The following KIRREL2 variants were observed in gnomAD, a reference collection of about 807,000 sequenced individuals.
KIRREL2 encodes the protein kin of IRRE-like protein 2.
Under a neutral mutation model 73.4 loss-of-function variants are expected in KIRREL2, and 56 were observed. That is an observed-to-expected ratio of 0.76 (90% CI 0.62 to 0.95). The LOEUF (loss-of-function observed/expected upper bound fraction) is 0.95. KIRREL2 is among the 40% of genes least tolerant of loss of function. KIRREL2 has a pLI of 0.00. For missense variants in KIRREL2, 896 were observed against 935.0 expected (o/e 0.96, Z 0.54); for synonymous variants, 407 against 404.0 (o/e 1.01, Z -0.09).
At position 35,862,491 on chromosome 19, in the gene KIRREL2, A is replaced by C. The variant is rs764886346; in HGVS notation, c.1511-2A>C. ...TCAGGATGTCCCCTCTGCTCCCTGCAGACTTGCTGCCCACTGTGCGGATAG... is the reference window on the plus strand; with the variant it reads ...TCAGGATGTCCCCTCTGCTCCCTGCCGACTTGCTGCCCACTGTGCGGATAG... On this transcript the variant is annotated splice_acceptor_variant, in intron 11 of 14. Coordinates refer to ENST00000360202, the MANE Select transcript of KIRREL2 (RefSeq NM_199180.4). LOFTEE classifies it high-confidence loss of function. 6.2e-7 allele frequency: 1 copy of C among 1,607,836 alleles called. No homozygotes were observed. Among genetic ancestry groups the C allele is most frequent in the Admixed American group, 1.7e-5 (1 of 60,016 alleles).
upstream of KIRREL2, among the ~76,000 whole-genome samples, chr19:35,854,324 C>T (rs113941901): frequency 0.088 from 13,338 of 151,466 alleles, 1,138 homozygotes; most frequent in African/African-American, 0.23. Flanking sequence ...TCTTTTTTCT[C>T]TTTTTTCTTT....
chr19:35,864,766 C>T, intron 14 of KIRREL2, 53 bp downstream of exon 14: 3 of 1,381,648 alleles, frequency 2.2e-6, no homozygotes, highest in Non-Finnish European at 3.1e-6. Flanking sequence ...GGCGGGGCTC[C>T]CTTCATTGTG....
chr19:35,858,305 C>A, intron 2 of KIRREL2, 103 bp from the exon 3 acceptor site: 1 of 1,383,476 alleles, frequency 7.2e-7, no homozygotes. Flanking sequence ...GTCTTACCAC[C>A]AAATGTGTGG....
At chr19:35,865,411 A>C (rs1366505579) in intron 14 of KIRREL2, among the ~76,000 whole-genome samples, 2 of 151,984 alleles carry the variant, frequency 1.3e-5, no homozygotes, top group Admixed American at 6.6e-5. Flanking sequence ...CCAGCCTCCC[A>C]AAGTGCTGGG....
At chr19:35,852,304 G>GTCTCTCTCTC (rs139954720), upstream of KIRREL2, among the ~76,000 whole-genome samples, 1 of 145,092 alleles carries the variant, frequency 6.9e-6, no homozygotes. Context: ...CTCTCTCTCT[G>GTCTCTCTCTC]TCTCTCTCTC....
chr19:35,857,149 C>T lies in KIRREL2; in HGVS notation c.30C>T (p.Leu10=), dbSNP rs762743331. 1 of 1,612,998 alleles carries T rather than the reference C, an allele frequency of 6.2e-7. No individual in the cohort carries two copies. Among genetic ancestry groups the T allele is most frequent in the South Asian group, 1.1e-5 (1 of 91,056 alleles). The change falls in exon 1 of 15, where the codon CTC becomes CTT. Residue 10 remains leucine, a synonymous_variant. Transcript: ENST00000360202. ...TCAGGATGCGGGTCCCCGCCCTCCT[C>T]GTCCTCCTCTTCTGCTTCAGAGGGA... is the stretch of plus-strand genomic sequence containing the variant. MLRMRVPAL[L]VLLFCFRGRA...
chr19:35,852,129 A>T (rs1419223891), upstream of KIRREL2, among the ~76,000 whole-genome samples: 5 of 112,864 alleles, frequency 4.4e-5, no homozygotes, highest in Admixed American at 2.2e-4. Context: ...GGGTCTCACT[A>T]TGTTGGCCAG....
At position 35,861,886 on chromosome 19, in the gene KIRREL2, C is replaced by G; in HGVS notation, c.1372C>G (p.Arg458Gly). The G allele has an allele frequency of 1.2e-6, 2 of 1,600,266 alleles. No homozygotes were observed. The highest frequency in any genetic ancestry group is 2.3e-5 in the East Asian group (1 of 44,434). Residue 458 changes from arginine to glycine, a missense_variant, in exon 11 of 15, where the codon CGC becomes GGC. Physicochemically the swap from Arg to Gly is moderately radical, Grantham distance 125 (BLOSUM62 -2). Transcript: ENST00000360202. Reference sequence around the variant, plus strand: ...GGAGACATTCCCTGCCCCAGAGAGCCGCGGGGGACTGGGTCCGGGCCTGAT... The same window carrying G: ...GGAGACATTCCCTGCCCCAGAGAGCGGCGGGGGACTGGGTCCGGGCCTGAT... ...LVETFPAPESRGGLGPGLISV... is the reference protein window; with the variant it reads ...LVETFPAPESGGGLGPGLISV...
rs1459957448 is a variant in KIRREL2, at chr19:35,866,722, A to G, written c.*230A>G. ...AATATGCCCACCTATTCCCCGGTGT[A>G]AAAGAGATTCAAGATGGCAGGTAGG... On this transcript the variant is annotated 3_prime_UTR_variant, in exon 15 of 15. Transcript: ENST00000360202. 12 of 601,762 alleles carry G rather than the reference A, an allele frequency of 2.0e-5. No homozygotes were observed. Among genetic ancestry groups the G allele is most frequent in the Non-Finnish European group, 3.5e-5 (12 of 347,798 alleles). 37.3% of individuals were successfully genotyped at this position (601,762 alleles called of 1,614,324 possible). A position where few individuals can be genotyped will look rare whatever the true frequency, so the allele number is the denominator to read the frequency against.
chr19:35,856,297 T>G (rs1973421567), upstream of KIRREL2, among the ~76,000 whole-genome samples: 1 of 150,948 alleles, frequency 6.6e-6, no homozygotes, highest in South Asian at 2.1e-4. This position sits in a 1 kb window ranked among gnomAD's most constrained non-coding sequence, Gnocchi z 5.9. Flanking sequence ...GCCGGCCGAG[T>G]GGGGAGAGGG....
rs766058037 is a variant in KIRREL2 at position 35,857,353 on chromosome 19, C to T, written c.70C>T (p.Pro24Ser). ...GCCCCGAACTCTCCTAGGCCCGTCG[C>T]CCCATTTCCTGCAACAGCCAGAGGA... is the stretch of plus-strand genomic sequence containing the variant. ...FCFRGRAGPS[P>S]HFLQQPEDLV... Residue 24 changes from proline (P) to serine (S), a missense_variant, in exon 2 of 15, where the codon CCC (proline) becomes TCC (serine). Pro to Ser is a moderately conservative substitution (Grantham distance 74, BLOSUM62 -1). Coordinates refer to ENST00000360202, the MANE Select transcript of KIRREL2 (RefSeq NM_199180.4). 37 of 1,612,414 alleles carry T rather than the reference C, an allele frequency of 2.3e-5. No individual in the cohort carries two copies. The highest frequency in any genetic ancestry group is 3.1e-5 in the Non-Finnish European group (37 of 1,180,038).
rs745693604 is a variant in KIRREL2, at chr19:35,860,509, A to T, written c.780-10A>T. ...CCAGGACAACGTTAACAGCGCCACCATTTCCTCAGGTGGGCAAAAGGGGGC... is the reference window on the plus strand; with the variant it reads ...CCAGGACAACGTTAACAGCGCCACCTTTTCCTCAGGTGGGCAAAAGGGGGC... On this transcript the variant is annotated splice_polypyrimidine_tract_variant and intron_variant, in intron 6 of 14. Transcript: ENST00000360202. 1 of 1,602,518 alleles carries T rather than the reference A, an allele frequency of 6.2e-7. No homozygotes were observed. Among genetic ancestry groups the T allele is most frequent in the Non-Finnish European group, 8.5e-7 (1 of 1,179,660 alleles).
chr19:35,864,513 A>T, intron 13 of KIRREL2, 135 bp from the exon 14 acceptor site: 1 of 647,120 alleles, frequency 1.5e-6, no homozygotes, highest in Non-Finnish European at 2.8e-6. Context: ...TATTGTCCTG[A>T]GTGCAGTCCC....
Position 35,866,307 on chromosome 19 carries a change from A to G in KIRREL2, c.1942A>G (p.Met648Val). Residue 648 changes from methionine (M) to valine (V), a missense_variant, in exon 15 of 15, where the codon ATG (methionine) becomes GTG (valine). Met to Val is a conservative substitution (Grantham distance 21). Transcript: ENST00000360202. Reference sequence around the variant, plus strand: ...CTATGACTTCAACCCACACCTGGGCATGGTCCCCCCCTGCAGACTTTACAG... The same window carrying G: ...CTATGACTTCAACCCACACCTGGGCGTGGTCCCCCCCTGCAGACTTTACAG... The part of the protein sequence containing the change: ...TFYDFNPHLG[M>V]VPPCRLYRAR... 6.2e-7 allele frequency: 1 copy of G among 1,600,752 alleles called. No individual in the cohort carries two copies.
intron 11 of KIRREL2, 149 bp from the exon 12 acceptor site, chr19:35,862,344 C>T (rs1973730368): frequency 2.9e-6 from 2 of 689,878 alleles, no homozygotes; most frequent in African/African-American, 1.8e-5. Context: ...TTTAAACTCA[C>T]TCTCAAACTT....
chr19:35,863,587 C>T (rs528032572), intron 13 of KIRREL2, among the ~76,000 whole-genome samples: 39 of 151,002 alleles, frequency 2.6e-4, no homozygotes, highest in African/African-American at 8.0e-4. Context: ...TGAGTAGCTG[C>T]GATTACAGGC....
chr19:35,852,226 G>A (rs1336051178), upstream of KIRREL2, among the ~76,000 whole-genome samples: 1 of 151,104 alleles, frequency 6.6e-6, no homozygotes, highest in African/African-American at 2.4e-5. Context: ...ACTGCGCCCA[G>A]TCTCTTTATC....
intron 9 of KIRREL2, 46 bp downstream of exon 9, chr19:35,861,300 G>C (rs1348511451): frequency 6.6e-7 from 1 of 1,510,118 alleles, no homozygotes; most frequent in Non-Finnish European, 8.8e-7. Flanking sequence ...TCCTGGGATA[G>C]GGAGCGGACA....
At chr19:35,865,933 G>A (rs566140455) in intron 14 of KIRREL2, among the ~76,000 whole-genome samples, 3 of 151,954 alleles carry the variant, frequency 2.0e-5, no homozygotes, top group East Asian at 3.9e-4. Context: ...ATATCCCTCC[G>A]TCTCTACCTT....
Sources: gnomAD v4.1 joint callset for allele counts (sites outside exome capture counted in the v4.1 genomes callset) on GRCh38, gnomAD v4.1.1 for gene constraint, Gnocchi (gnomAD v3.1) non-coding constraint, MANE v1.5 for transcripts, NCBI Gene and HGNC (gene_info 2026-07-23, HGNC 2026-07-21) for gene names.